Variants in ATP2B1 observed in about 807,000 individuals in gnomAD.
ATP2B1 encodes the protein ATPase plasma membrane Ca2+ transporting 1.
ATP2B1 carries 14 observed loss-of-function variants against 124.2 expected under a neutral mutation model. That is an observed-to-expected ratio of 0.11 (90% CI 0.07 to 0.18). The LOEUF is 0.18. Ranked by LOEUF, ATP2B1 falls within the 10% of genes least tolerant of loss-of-function variation. The pLI is 1.00. For synonymous variants in ATP2B1, 449 were observed against 492.4 expected, an observed-to-expected ratio of 0.91 and a Z score of 1.17; for missense variants, 763 against 1,466.1, an observed-to-expected ratio of 0.52 and a Z score of 7.83.
chr12:89,670,945 T>C (rs1887888001), intron 1 of ATP2B1, among the ~76,000 whole-genome samples: 1 of 91,684 alleles, frequency 1.1e-5, no homozygotes. Flanking sequence ...GTTCAGGCCT[T>C]ATACATTAAA....
chr12:89,627,195 G>C (rs2136129019), intron 7 of ATP2B1, among the ~76,000 whole-genome samples: 1 of 152,130 alleles, frequency 6.6e-6, no homozygotes, highest in Middle Eastern at 3.4e-3. Flanking sequence ...CATGACACAA[G>C]TGGAAAATTC....
intron 20 of ATP2B1, among the ~76,000 whole-genome samples, chr12:89,595,969 A>C (rs949809544): frequency 3.3e-5 from 5 of 152,066 alleles, no homozygotes; most frequent in African/African-American, 9.7e-5. Flanking sequence ...TGGGCCCAGA[A>C]ACTCAGAGGT....
intron 19 of ATP2B1, among the ~76,000 whole-genome samples, chr12:89,599,937 G>C (rs1792058475): frequency 6.6e-6 from 1 of 152,166 alleles, no homozygotes; most frequent in Non-Finnish European, 1.5e-5. Context: ...GTTTATCAGG[G>C]AGAAACAAGC....
At chr12:89,700,244 T>C (rs892226946) in intron 1 of ATP2B1, among the ~76,000 whole-genome samples, 1 of 152,104 alleles carries the variant, frequency 6.6e-6, no homozygotes, top group African/African-American at 2.4e-5. Context: ...AGACTCGACA[T>C]GCAGACAGTT....
intron 10 of ATP2B1, 60 bp downstream of exon 10, chr12:89,621,487 CAT>C: frequency 7.7e-7 from 1 of 1,305,902 alleles, no homozygotes; most frequent in South Asian, 1.6e-5. Flanking sequence ...TGAAGACTTA[CAT>C]ATAGTCTGAT....
chr12:89,643,065 T>TACAC lies in ATP2B1; in HGVS notation c.209-714_209-711dup, dbSNP rs145355576. 6.3e-3 allele frequency among the ~76,000 whole-genome samples: 911 copies of TACAC among 143,624 alleles called. 7 individuals are homozygous for TACAC. The highest frequency in any genetic ancestry group is 0.013 in the East Asian group (65 of 4,950). 94.2% of individuals were successfully genotyped at this position (143,624 alleles called of 152,430 possible). A position where few individuals can be genotyped will look rare whatever the true frequency, so the allele number is the denominator to read the frequency against. ...TGGGAAGTTTATATATAAAGATACA[T>TACAC]ACACACACACACACACACACACACA... On this transcript the variant is annotated intron_variant, in intron 2 of 20. Coordinates refer to ENST00000428670, the MANE Select transcript of ATP2B1 (RefSeq NM_001366521.1).
intron 1 of ATP2B1, among the ~76,000 whole-genome samples, chr12:89,690,954 T>A (rs990890594): frequency 6.6e-6 from 1 of 152,138 alleles, no homozygotes; most frequent in Non-Finnish European, 1.5e-5. Flanking sequence ...CCATCAATCT[T>A]TGGGTAAATT....
intron 12 of ATP2B1, among the ~76,000 whole-genome samples, chr12:89,612,911 A>G (rs2136017414): frequency 6.6e-6 from 1 of 152,326 alleles, no homozygotes; most frequent in African/African-American, 2.4e-5. Flanking sequence ...CTAAGTATTT[A>G]CTGAACTGCT....
intron 2 of ATP2B1, among the ~76,000 whole-genome samples, chr12:89,651,647 A>T (rs1017365722): frequency 4.6e-5 from 7 of 152,074 alleles, no homozygotes; most frequent in Admixed American, 3.9e-4. Flanking sequence ...AATTCCAAAA[A>T]TTTTTTCCCC....
chr12:89,635,054 C>G lies in ATP2B1; in HGVS notation c.604G>C (p.Val202Leu). ...ATGTCAGCTACAGGTATCTGAATGACCTGACCACCCCTGATGACAGTGAAC... is the reference window on the plus strand; with the variant it reads ...ATGTCAGCTACAGGTATCTGAATGAGCTGACCACCCCTGATGACAGTGAAC... The part of the protein sequence containing the change: ...QKFTVIRGGQ[V>L]IQIPVADITV... Residue 202 changes from valine to leucine, a missense_variant, in exon 4 of 21, where the codon GTC becomes CTC. This residue lies in a region of ATP2B1 where 392 missense variants were observed against 776.6 expected (regional missense o/e 0.50). Coordinates refer to ENST00000428670, the MANE Select transcript of ATP2B1 (RefSeq NM_001366521.1). The G allele has an allele frequency of 6.2e-7, 1 of 1,613,952 alleles. No individual in the cohort carries two copies. The highest frequency in any genetic ancestry group is 8.5e-7 in the Non-Finnish European group (1 of 1,179,900).
intron 1 of ATP2B1, among the ~76,000 whole-genome samples, chr12:89,700,968 C>G (rs934976057): frequency 3.3e-5 from 5 of 152,112 alleles, no homozygotes; most frequent in African/African-American, 1.2e-4. Flanking sequence ...CATACTAAAG[C>G]TATATAAATC....
At chr12:89,613,873 A>G (rs1057234841) in intron 12 of ATP2B1, among the ~76,000 whole-genome samples, 4 of 152,258 alleles carry the variant, frequency 2.6e-5, no homozygotes, top group African/African-American at 9.6e-5. Flanking sequence ...CATATGTAAT[A>G]AAAACTGGAT....
At chr12:89,662,737 C>A (rs1472175597) in intron 1 of ATP2B1, among the ~76,000 whole-genome samples, 12 of 151,966 alleles carry the variant, frequency 7.9e-5, no homozygotes, top group Non-Finnish European at 1.3e-4. Flanking sequence ...TTCCTAAATA[C>A]CATCCCTGTG....
chr12:89,610,121 G>A, intron 14 of ATP2B1, 78 bp from the exon 15 acceptor site: 1 of 1,301,054 alleles, frequency 7.7e-7, no homozygotes, highest in Non-Finnish European at 1.1e-6. Context: ...CCTGACGTCG[G>A]TTTTATAGAC....
chr12:89,676,179 G>A (rs1336133457), intron 1 of ATP2B1, among the ~76,000 whole-genome samples: 1 of 152,116 alleles, frequency 6.6e-6, no homozygotes, highest in Non-Finnish European at 1.5e-5. Context: ...GAGGCTCTGG[G>A]AAGTACAGAT....
intron 1 of ATP2B1, among the ~76,000 whole-genome samples, chr12:89,698,265 G>A (rs1351236960): frequency 1.3e-5 from 2 of 152,124 alleles, no homozygotes; most frequent in South Asian, 2.1e-4. Flanking sequence ...ATCAACAGGC[G>A]AACGGACAAA....
intron 13 of ATP2B1, 85 bp downstream of exon 13, chr12:89,611,108 G>T: frequency 8.0e-7 from 1 of 1,255,928 alleles, no homozygotes; most frequent in Non-Finnish European, 1.1e-6. Flanking sequence ...CTAACACAGT[G>T]CATATTCAAT....
intron 20 of ATP2B1, among the ~76,000 whole-genome samples, chr12:89,592,695 T>A (rs1400722640): frequency 6.6e-6 from 1 of 152,082 alleles, no homozygotes; most frequent in Non-Finnish European, 1.5e-5. Context: ...TCTTCAACTA[T>A]AAAATGGGAA....
At chr12:89,630,031 G>C (rs1220463137) in intron 6 of ATP2B1, among the ~76,000 whole-genome samples, 1 of 152,196 alleles carries the variant, frequency 6.6e-6, no homozygotes, top group Non-Finnish European at 1.5e-5. Flanking sequence ...GATATCTAAT[G>C]ATGGGCTGAA....
Sources: allele counts gnomAD v4.1 joint callset (sites outside exome capture counted in the v4.1 genomes callset), GRCh38; gene constraint gnomAD v4.1.1; regional missense constraint gnomAD v4.1.1; transcripts MANE v1.5; gene names NCBI Gene and HGNC (gene_info 2026-07-23, HGNC 2026-07-21).